The following TAF2 variants were observed in gnomAD, a reference collection of about 807,000 sequenced individuals.
TAF2 encodes transcription initiation factor TFIID subunit 2.
Under a neutral mutation model 138.5 loss-of-function variants are expected in TAF2, and 61 were observed. That is an observed-to-expected ratio of 0.44 (90% CI 0.36 to 0.54). TAF2 has a LOEUF of 0.54. Ranked by LOEUF, TAF2 falls within the 20% of genes least tolerant of loss-of-function variation. The probability of loss-of-function intolerance (pLI) is 0.00; values close to 1 mark genes in which losing one functional copy is unlikely to be tolerated. For synonymous variants in TAF2, 475 were observed against 469.9 expected (o/e 1.01, Z -0.14); for missense variants, 1,090 against 1,427.9 (o/e 0.76, Z 3.81).
At chr8:119,786,309 A>G (rs756432233) in intron 14 of TAF2, among the ~76,000 whole-genome samples, 4 of 152,212 alleles carry the variant, frequency 2.6e-5, no homozygotes, top group East Asian at 1.9e-4. Flanking sequence ...AGCAAGATGT[A>G]GAGGCTTTTC....
At chr8:119,795,359 A>G (rs574211511) in intron 9 of TAF2, among the ~76,000 whole-genome samples, 173 bp downstream of exon 9, 2 of 152,340 alleles carry the variant, frequency 1.3e-5, no homozygotes, top group African/African-American at 4.8e-5. Context: ...TTAGGGGCCA[A>G]TGTTGACAAT....
intron 2 of TAF2, among the ~76,000 whole-genome samples, chr8:119,824,606 G>A (rs993776865): frequency 2.6e-5 from 4 of 152,176 alleles, no homozygotes; most frequent in African/African-American, 4.8e-5. Flanking sequence ...AGGCCCGGAG[G>A]CCTAGGAGGA....
At chr8:119,813,812 G>A (rs1020942219) in intron 3 of TAF2, among the ~76,000 whole-genome samples, 8 of 151,888 alleles carry the variant, frequency 5.3e-5, no homozygotes, top group Middle Eastern at 3.4e-3. Context: ...ATAATGAAAG[G>A]GGTGTGTTAA....
intron 23 of TAF2, 102 bp downstream of exon 23, chr8:119,746,603 G>A (rs1563822442): frequency 1.6e-6 from 2 of 1,213,622 alleles, no homozygotes; most frequent in East Asian, 4.7e-5. Flanking sequence ...ACAAGAAACT[G>A]TGTTAGTGGC....
At chr8:119,796,807 T>C (rs1411827122) in intron 8 of TAF2, among the ~76,000 whole-genome samples, 183 bp downstream of exon 8, 2 of 152,098 alleles carry the variant, frequency 1.3e-5, no homozygotes, top group African/African-American at 2.4e-5. Context: ...TAAGTGACTA[T>C]ATTGATTTCA....
chr8:119,732,173 T>G lies in TAF2; in HGVS notation c.3351A>C (p.Ala1117=), dbSNP rs1563804490. The change falls in exon 26 of 26, where the codon GCA becomes GCC. Residue 1117 remains alanine, a synonymous_variant. Coordinates refer to ENST00000378164, the MANE Select transcript of TAF2 (RefSeq NM_003184.4). ...CTGGATGCATACTCATCTCCAAAGGTGCTTGTTCTTTACCTTCAAGATTAA... is the reference window on the plus strand; with the variant it reads ...CTGGATGCATACTCATCTCCAAAGGGGCTTGTTCTTTACCTTCAAGATTAA... ...LARKGTGKEQ[A]PLEMSMHPAA... 6.2e-7 allele frequency: 1 copy of G among 1,614,140 alleles called. No individual in the cohort carries two copies. Among genetic ancestry groups the G allele is most frequent in the East Asian group, 2.2e-5 (1 of 44,870 alleles).
intron 21 of TAF2, 74 bp downstream of exon 21, chr8:119,757,999 T>C (rs1820812597): frequency 1.7e-6 from 2 of 1,211,606 alleles, no homozygotes; most frequent in African/African-American, 3.0e-5. Flanking sequence ...ACAAGCATTT[T>C]ATGTGTAATC....
chr8:119,821,522 A>G (rs1825807087), intron 2 of TAF2, among the ~76,000 whole-genome samples: 1 of 152,230 alleles, frequency 6.6e-6, no homozygotes, highest in African/African-American at 2.4e-5. Context: ...CCTAGTTTCC[A>G]CGACTACTTC....
intron 18 of TAF2, among the ~76,000 whole-genome samples, chr8:119,771,756 C>T (rs1821856208): frequency 6.6e-6 from 1 of 151,966 alleles, no homozygotes; most frequent in South Asian, 2.1e-4. Context: ...ACTTCAACAC[C>T]CCACTGAAAA....
chr8:119,768,047 C>T (rs894696673), intron 18 of TAF2, among the ~76,000 whole-genome samples: 4 of 152,206 alleles, frequency 2.6e-5, no homozygotes, highest in African/African-American at 9.7e-5. Flanking sequence ...ACGCATCCCA[C>T]AGCTGCCAGC....
In TAF2 at chr8:119,783,369, A is replaced by C; in HGVS notation, c.2112+12T>G. The C allele has an allele frequency of 6.2e-7, 1 of 1,613,884 alleles. No homozygotes were observed. Among genetic ancestry groups the C allele is most frequent in the South Asian group, 1.1e-5 (1 of 91,074 alleles). On this transcript the variant is annotated intron_variant, in intron 16 of 25. Transcript: ENST00000378164. The stretch of plus-strand genomic sequence containing the variant: ...ACAATAGTCATTTCCTTTATGCTGT[A>C]TATAATCTCACCTTTGCAAGACAGA...
In TAF2 at chr8:119,731,622, T is replaced by C. The variant is rs1237793648; in HGVS notation, c.*302A>G. 1.5e-5 allele frequency: 6 copies of C among 394,320 alleles called. No individual in the cohort carries two copies. In the Admixed American group the frequency reaches 2.3e-4, roughly 15 times the overall value. 24.4% of individuals were successfully genotyped at this position (394,320 alleles called of 1,614,324 possible). A position where few individuals can be genotyped will look rare whatever the true frequency, so the allele number is the denominator to read the frequency against. On this transcript the variant is annotated 3_prime_UTR_variant, in exon 26 of 26. Coordinates refer to ENST00000378164, the MANE Select transcript of TAF2 (RefSeq NM_003184.4). ...TTGGCGGTACACATGGAGACCATGA[T>C]GCGAACGGGGACTGCCAGTGGATAT... is the stretch of plus-strand genomic sequence containing the variant.
Position 119,732,153 on chromosome 8 carries a change from T to C in TAF2, c.3371A>G (p.His1124Arg). 6.2e-7 allele frequency: 1 copy of C among 1,614,204 alleles called. No individual in the cohort carries two copies. Among genetic ancestry groups the C allele is most frequent in the Non-Finnish European group, 8.5e-7 (1 of 1,180,038 alleles). ...KEQAPLEMSMHPAASAPLSVF... is the reference protein window; with the variant it reads ...KEQAPLEMSMRPAASAPLSVF... Reference sequence around the variant, plus strand: ...TGAGAGTGGAGCGCTTGCCGCTGGATGCATACTCATCTCCAAAGGTGCTTG... The same window carrying C: ...TGAGAGTGGAGCGCTTGCCGCTGGACGCATACTCATCTCCAAAGGTGCTTG... The change falls in exon 26 of 26, where the codon CAT (histidine) becomes CGT (arginine). Residue 1124 changes from histidine to arginine, a missense_variant. By Grantham distance (29) the His-to-Arg change is conservative. Transcript: ENST00000378164.
intron 2 of TAF2, among the ~76,000 whole-genome samples, chr8:119,821,277 C>G (rs1295353768): frequency 2.6e-5 from 4 of 152,158 alleles, no homozygotes; most frequent in Admixed American, 1.3e-4. Flanking sequence ...GCAAGCCTCT[C>G]GGGTCATCTA....
chr8:119,832,807 A>G lies in TAF2; in HGVS notation c.-243T>C, dbSNP rs1339594019. On this transcript the variant is annotated 5_prime_UTR_variant, in exon 1 of 26. Transcript: ENST00000378164. ...GATGCTCCTCTCCGCAAGGGCTCGA[A>G]GCTACCATCCGCCGACATCTTGTCT... The G allele has an allele frequency of 8.6e-6, 4 of 467,190 alleles. No individual in the cohort carries two copies. Among genetic ancestry groups the G allele is most frequent in the African/African-American group, 3.9e-5 (2 of 50,810 alleles). The allele number at this position is 467,190 out of a possible 1,614,324, so 28.9% of individuals were successfully genotyped here. A position where few individuals can be genotyped will look rare whatever the true frequency, so the allele number is the denominator to read the frequency against.
At chr8:119,821,267 G>A (rs1825789333) in intron 2 of TAF2, among the ~76,000 whole-genome samples, 1 of 152,128 alleles carries the variant, frequency 6.6e-6, no homozygotes, top group African/African-American at 2.4e-5. Context: ...TGGCATAACT[G>A]CAAGCCTCTC....
intron 5 of TAF2, among the ~76,000 whole-genome samples, chr8:119,803,535 A>G (rs1824408791): frequency 6.6e-6 from 1 of 152,110 alleles, no homozygotes; most frequent in African/African-American, 2.4e-5. Flanking sequence ...TACTAAAAAT[A>G]TAAAAAATTA....
intron 11 of TAF2, among the ~76,000 whole-genome samples, chr8:119,790,106 CTCTT>C (rs1823315305): frequency 6.6e-6 from 1 of 152,056 alleles, no homozygotes; most frequent in Non-Finnish European, 1.5e-5. Flanking sequence ...GCTTGAGTGG[CTCTT>C]TATGGACCAT....
At position 119,756,108 on chromosome 8, in the gene TAF2, T is replaced by C. The variant is rs1349926072; in HGVS notation, c.2776A>G (p.Ile926Val). ...NDPVPYVRHK[I>V]LNMLTKNPPF... ...GGGTTCTTAGTCAACATGTTGAGAA[T>C]CTTATGCCTGAAAGATTAAAAAAAA... is the stretch of plus-strand genomic sequence containing the variant. Residue 926 changes from isoleucine (I) to valine (V), a missense_variant, in exon 22 of 26, where the codon ATT becomes GTT. By Grantham distance (29) the Ile-to-Val change is conservative (BLOSUM62 3). This residue lies in a region of TAF2 where 580 missense variants were observed against 719.6 expected (regional missense o/e 0.81). Transcript: ENST00000378164. 1 of 1,612,954 alleles carries C rather than the reference T, an allele frequency of 6.2e-7. No individual in the cohort carries two copies. Among genetic ancestry groups the C allele is most frequent in the Non-Finnish European group, 8.5e-7 (1 of 1,179,382 alleles).
Sources: allele counts gnomAD v4.1 joint callset (sites outside exome capture counted in the v4.1 genomes callset), GRCh38; gene constraint gnomAD v4.1.1; regional missense constraint gnomAD v4.1.1; transcripts MANE v1.5; gene names NCBI Gene and HGNC (gene_info 2026-07-23, HGNC 2026-07-21).